ADARB2: variants seen among roughly 807,000 people sequenced by gnomAD.
ADARB2 encodes the protein adenosine deaminase RNA specific B2 (inactive).
In ADARB2, 25 loss-of-function variants were observed where a neutral mutation model predicts 62.2. The observed-to-expected ratio is 0.40, with a 90% CI of 0.29 to 0.56. The LOEUF (loss-of-function observed/expected upper bound fraction) is 0.56. Among genes scored for constraint, ADARB2 ranks in the 20% least tolerant of loss-of-function variants. ADARB2 has a pLI of 0.43. For synonymous variants in ADARB2, 572 were observed against 500.8 expected (o/e 1.14, Z -1.90); for missense variants, 1,071 against 1,077.4 (o/e 0.99, Z 0.08).
At chr10:1,362,274 C>T (rs1247430596) in intron 3 of ADARB2, among the ~76,000 whole-genome samples, 2 of 152,262 alleles carry the variant, frequency 1.3e-5, no homozygotes, top group African/African-American at 4.8e-5. Flanking sequence ...GGCTCTTGGG[C>T]CCCTGTGCTC....
chr10:1,630,111 C>T (rs78753768), intron 1 of ADARB2, among the ~76,000 whole-genome samples: 1 of 152,130 alleles, frequency 6.6e-6, no homozygotes, highest in Non-Finnish European at 1.5e-5. Context: ...AGCAATGGCA[C>T]CAGGTCCTTT....
At chr10:1,626,629 A>G (rs1427222202) in intron 1 of ADARB2, among the ~76,000 whole-genome samples, 1 of 152,048 alleles carries the variant, frequency 6.6e-6, no homozygotes, top group Non-Finnish European at 1.5e-5. Flanking sequence ...GCCTGTCCTC[A>G]GTGATATTTC....
chr10:1,583,338 A>G (rs965693670), intron 1 of ADARB2, among the ~76,000 whole-genome samples: 1 of 152,196 alleles, frequency 6.6e-6, no homozygotes, highest in Non-Finnish European at 1.5e-5. Flanking sequence ...GAATCTACAG[A>G]GCTTTGCATT....
intron 1 of ADARB2, among the ~76,000 whole-genome samples, chr10:1,515,389 C>T (rs1031287994): frequency 2.0e-5 from 3 of 152,224 alleles, no homozygotes; most frequent in African/African-American, 7.2e-5. Flanking sequence ...AGGTGGGAAA[C>T]CCTCTGCCTG....
rs546848328 is a variant in ADARB2, at chr10:1,718,111, C to G, written c.100+18940G>C. Reference sequence around the variant, plus strand: ...GGAGGAGGAAACCAAGAGGCACAAACACAGCAGCAACAGAAAGTCGCTGTT... The same window carrying G: ...GGAGGAGGAAACCAAGAGGCACAAAGACAGCAGCAACAGAAAGTCGCTGTT... On this transcript the variant is annotated intron_variant, in intron 1 of 9. Coordinates refer to ENST00000381312, the MANE Select transcript of ADARB2 (RefSeq NM_018702.4). Among the ~76,000 whole-genome samples, 6 of 152,256 alleles carry G rather than the reference C, an allele frequency of 3.9e-5. No homozygotes were observed. The East Asian group carries it at 1.2e-3, about 29-fold the overall frequency.
At chr10:1,502,254 C>T (rs924829349) in intron 1 of ADARB2, among the ~76,000 whole-genome samples, 2 of 152,220 alleles carry the variant, frequency 1.3e-5, no homozygotes, top group Non-Finnish European at 2.9e-5. Flanking sequence ...CTGCATCTCC[C>T]ACAACTGTCC....
chr10:1,714,891 G>A lies in ADARB2; in HGVS notation c.100+22160C>T, dbSNP rs1166805243. Among the ~76,000 whole-genome samples the A allele has an allele frequency of 2.0e-5, 3 of 152,158 alleles. No homozygotes were observed. The East Asian group carries it at 5.8e-4, about 29-fold the overall frequency. ...TTATACTTTAAGTTTTAGGGTACAT[G>A]TGCACAACGTGCAGGTTTGTTACAT... is the stretch of plus-strand genomic sequence containing the variant. On this transcript the variant is annotated intron_variant, in intron 1 of 9. Coordinates refer to ENST00000381312, the MANE Select transcript of ADARB2 (RefSeq NM_018702.4).
At chr10:1,272,074 C>T (rs1456123956) in intron 3 of ADARB2, among the ~76,000 whole-genome samples, 1 of 152,248 alleles carries the variant, frequency 6.6e-6, no homozygotes, top group African/African-American at 2.4e-5. Flanking sequence ...TCAGAGATGA[C>T]GGCTGTGACT....
intron 1 of ADARB2, among the ~76,000 whole-genome samples, chr10:1,508,198 G>A (rs1165939950): frequency 2.0e-5 from 3 of 152,158 alleles, no homozygotes; most frequent in Non-Finnish European, 2.9e-5. Flanking sequence ...GGGCCCCTTG[G>A]TGGTTGAGAG....
intron 2 of ADARB2, among the ~76,000 whole-genome samples, chr10:1,377,485 ATG>A (rs1163652300): frequency 1.5e-5 from 1 of 66,908 alleles, no homozygotes; most frequent in East Asian, 5.8e-4. Context: ...GTGTGTGCGC[ATG>A]TGTGTGTGCG....
At chr10:1,523,246 G>T (rs73586256) in intron 1 of ADARB2, among the ~76,000 whole-genome samples, 5,081 of 152,218 alleles carry the variant, frequency 0.033, 270 homozygotes, top group African/African-American at 0.11. Context: ...ATAACAAATG[G>T]TTATCTACTT....
intron 1 of ADARB2, among the ~76,000 whole-genome samples, chr10:1,467,044 A>ATC (rs35329131): frequency 0.11 from 15,885 of 149,260 alleles, 880 homozygotes; most frequent in Middle Eastern, 0.21. Context: ...TATTTACAGC[A>ATC]TCTCTCTCTC....
intron 1 of ADARB2, among the ~76,000 whole-genome samples, chr10:1,462,895 C>T (rs968415758): frequency 3.3e-5 from 5 of 151,726 alleles, no homozygotes; most frequent in African/African-American, 1.2e-4. Flanking sequence ...TAGGCATAGG[C>T]ATTTATATAC....
intron 1 of ADARB2, among the ~76,000 whole-genome samples, chr10:1,619,081 A>G (rs1373508020): frequency 1.3e-5 from 2 of 152,238 alleles, no homozygotes; most frequent in Admixed American, 6.5e-5. Flanking sequence ...TTATTCAGGA[A>G]GAGATTGAGA....
chr10:1,329,297 T>C (rs1831905940), intron 3 of ADARB2, among the ~76,000 whole-genome samples: 1 of 152,204 alleles, frequency 6.6e-6, no homozygotes, highest in Admixed American at 6.5e-5. Context: ...AACATGTGAA[T>C]AAAAAAATAA....
chr10:1,706,907 G>A (rs1352249131), intron 1 of ADARB2, among the ~76,000 whole-genome samples: 1 of 152,188 alleles, frequency 6.6e-6, no homozygotes, highest in Admixed American at 6.5e-5. Context: ...GTTTTTGTTG[G>A]GCAGGAAGTA....
intron 3 of ADARB2, among the ~76,000 whole-genome samples, chr10:1,352,163 T>C (rs369749704): frequency 0.034 from 5,182 of 151,616 alleles, 122 homozygotes; most frequent in South Asian, 0.089. Flanking sequence ...TTACCTATCT[T>C]GTCATAATTC....
intron 1 of ADARB2, among the ~76,000 whole-genome samples, chr10:1,569,788 C>T (rs973213229): frequency 2.6e-5 from 4 of 151,820 alleles, no homozygotes; most frequent in African/African-American, 9.7e-5. Flanking sequence ...TAATACTGCT[C>T]AAAATACTAT....
At chr10:1,543,848 C>G (rs919669002) in intron 1 of ADARB2, among the ~76,000 whole-genome samples, 3 of 152,108 alleles carry the variant, frequency 2.0e-5, no homozygotes, top group African/African-American at 4.8e-5. Flanking sequence ...CCGCCCGTGA[C>G]GTGAGGCAGC....
Sources: allele counts gnomAD v4.1 joint callset (sites outside exome capture counted in the v4.1 genomes callset), GRCh38; gene constraint gnomAD v4.1.1; transcripts MANE v1.5; gene names NCBI Gene and HGNC (gene_info 2026-07-23, HGNC 2026-07-21).